The following PSD3 variants were observed in gnomAD, a reference collection of about 807,000 sequenced individuals.
The protein encoded by PSD3 is PH and SEC7 domain-containing protein 3.
In PSD3, 49 loss-of-function variants were observed where a neutral mutation model predicts 105.5. The observed-to-expected ratio is 0.46, with a 90% CI of 0.37 to 0.59. The LOEUF is 0.59. PSD3 is among the 20% of genes least tolerant of loss of function. The probability of loss-of-function intolerance (pLI) is 0.00; values close to 1 mark genes in which losing one functional copy is unlikely to be tolerated. For synonymous variants in PSD3, 557 were observed against 457.8 expected (o/e 1.22, Z -2.77); for missense variants, 1,561 against 1,263.8 (o/e 1.24, Z -3.57).
chr8:18,540,203 C>A (rs1375754724), intron 15 of PSD3, among the ~76,000 whole-genome samples: 1 of 151,996 alleles, frequency 6.6e-6, no homozygotes, highest in African/African-American at 2.4e-5. Flanking sequence ...AGGTGGTAGG[C>A]AATAAGGTAT....
intron 1 of PSD3, among the ~76,000 whole-genome samples, chr8:18,970,324 CAA>C (rs11450922): frequency 4.6e-4 from 21 of 45,314 alleles, no homozygotes; most frequent in Admixed American, 1.3e-3. Flanking sequence ...GACTCTGCCT[CAA>C]AAAAAAAAAA....
intron 12 of PSD3, among the ~76,000 whole-genome samples, chr8:18,597,345 G>A (rs1351772169): frequency 1.3e-4 from 1 of 7,440 alleles, no homozygotes; most frequent in African/African-American, 2.5e-4. Flanking sequence ...GGACATAGGC[G>A]TGGGCAAGGA....
In PSD3 at chr8:18,763,312, C is replaced by A. The variant is rs61447038; in HGVS notation, c.2172+2137G>T. ...TCATAATTTTTCCTTTTATTTCACACAAAAAAAACTTAATGTCACACATGC... is the reference window on the plus strand; with the variant it reads ...TCATAATTTTTCCTTTTATTTCACAAAAAAAAAACTTAATGTCACACATGC... On this transcript the variant is annotated intron_variant, in intron 9 of 15. Coordinates refer to ENST00000327040, the MANE Select transcript of PSD3 (RefSeq NM_015310.4). Among the ~76,000 whole-genome samples the A allele has an allele frequency of 4.0e-5, 6 of 151,542 alleles. No individual in the cohort carries two copies. In the East Asian group the frequency reaches 9.7e-4, roughly 25 times the overall value.
intron 4 of PSD3, chr8:18,849,504 C>T (rs1367082200): frequency 6.6e-6 from 1 of 152,214 alleles, no homozygotes; most frequent in Non-Finnish European, 1.5e-5. Flanking sequence ...CCTCTTCTTA[C>T]ATGTTGGCCG....
chr8:18,606,890 A>G (rs1184152463), intron 11 of PSD3, among the ~76,000 whole-genome samples: 1 of 152,228 alleles, frequency 6.6e-6, no homozygotes, highest in African/African-American at 2.4e-5. Context: ...TCAGGTAGGT[A>G]TTATTGTCTC....
intron 4 of PSD3, among the ~76,000 whole-genome samples, chr8:18,866,707 T>A (rs562360398): frequency 6.6e-6 from 1 of 151,742 alleles, no homozygotes; most frequent in Non-Finnish European, 1.5e-5. Context: ...AAACTGGTTA[T>A]AGAAAATGCT....
At chr8:18,969,870 T>TA (rs199864146) in intron 1 of PSD3, among the ~76,000 whole-genome samples, 3,299 of 151,692 alleles carry the variant, frequency 0.022, 47 homozygotes, top group Non-Finnish European at 0.029. Flanking sequence ...TATAAATATT[T>TA]AAAAAAAAAT....
intron 2 of PSD3, among the ~76,000 whole-genome samples, chr8:18,873,847 T>A (rs1233798416): frequency 6.6e-6 from 1 of 152,240 alleles, no homozygotes; most frequent in Non-Finnish European, 1.5e-5. Flanking sequence ...AATGGCATCT[T>A]ACGAAGAACC....
In PSD3 at chr8:18,952,747, A is replaced by C. The variant is rs536696810; in HGVS notation, c.22-16605T>G. Among the ~76,000 whole-genome samples the C allele has an allele frequency of 2.6e-4, 39 of 152,348 alleles. 1 individual carries two copies. In the South Asian group the frequency reaches 4.6e-3, roughly 18 times the overall value. On this transcript the variant is annotated intron_variant, in intron 1 of 15. Coordinates refer to ENST00000327040, the MANE Select transcript of PSD3 (RefSeq NM_015310.4). ...TACATGTTTACAAGTCCATGCAATT[A>C]AATACACTTTATTCAGGAGAGCCCT...
intron 9 of PSD3, chr8:18,733,803 A>C (rs1022693321): frequency 6.6e-6 from 1 of 152,664 alleles, no homozygotes; most frequent in Non-Finnish European, 1.5e-5. Flanking sequence ...CAGTGTCTGC[A>C]ATGTAGTAGA....
At position 18,636,074 on chromosome 8, in the gene PSD3, T is replaced by A. The variant is rs556064882; in HGVS notation, c.2217-3268A>T. Among the ~76,000 whole-genome samples, 450 of 152,204 alleles carry A rather than the reference T, an allele frequency of 3.0e-3. 2 individuals are homozygous for A. Among genetic ancestry groups the A allele is most frequent in the Non-Finnish European group, 4.9e-3 (331 of 68,012 alleles). ...AAAGTAAAATAAAATAAAAAAGGCT[T>A]TGTTATCATAGGAGATGACAGCTTC... On this transcript the variant is annotated intron_variant, in intron 10 of 15. Coordinates refer to ENST00000327040, the MANE Select transcript of PSD3 (RefSeq NM_015310.4).
At chr8:18,656,608 TA>T (rs1808915327) in intron 9 of PSD3, among the ~76,000 whole-genome samples, 1 of 152,160 alleles carries the variant, frequency 6.6e-6, no homozygotes, top group African/African-American at 2.4e-5. Context: ...AGACCCTTGG[TA>T]ACAATAATGG....
intron 8 of PSD3, among the ~76,000 whole-genome samples, chr8:18,785,568 T>C (rs1809060591): frequency 6.6e-6 from 1 of 152,300 alleles, no homozygotes; most frequent in South Asian, 2.1e-4. Flanking sequence ...TAAGGCTGTT[T>C]TGCTTTCTTA....
chr8:19,039,582 G>C (rs1055622674), intron 1 of PSD3, among the ~76,000 whole-genome samples: 9 of 152,178 alleles, frequency 5.9e-5, no homozygotes, highest in African/African-American at 1.9e-4. Flanking sequence ...CTTTCTCTAG[G>C]CTAAGGGAGT....
intron 12 of PSD3, among the ~76,000 whole-genome samples, chr8:18,589,639 T>A (rs1232047864): frequency 6.6e-6 from 1 of 152,178 alleles, no homozygotes; most frequent in Non-Finnish European, 1.5e-5. Context: ...AAAATGTTAA[T>A]GAAAGATATG....
intron 9 of PSD3, among the ~76,000 whole-genome samples, chr8:18,724,904 A>G (rs200177795): frequency 6.6e-6 from 1 of 152,344 alleles, no homozygotes; most frequent in African/African-American, 2.4e-5. Context: ...GATGGGAACA[A>G]TGGGAGATGT....
chr8:18,947,001 T>C (rs1443540571), intron 1 of PSD3, among the ~76,000 whole-genome samples: 1 of 151,760 alleles, frequency 6.6e-6, no homozygotes, highest in Non-Finnish European at 1.5e-5. Context: ...CACCTGCACA[T>C]AAACAAATGG....
At chr8:18,556,146 C>G in intron 15 of PSD3, 63 bp downstream of exon 15, 6 of 1,581,120 alleles carry the variant, frequency 3.8e-6, no homozygotes, top group Non-Finnish European at 5.2e-6. Flanking sequence ...AAGATACCGC[C>G]TCATGGACAG....
intron 14 of PSD3, among the ~76,000 whole-genome samples, chr8:18,568,993 G>A (rs2130296136): frequency 6.9e-6 from 1 of 144,744 alleles, no homozygotes; most frequent in Non-Finnish European, 1.5e-5. Context: ...TACTGAGAAT[G>A]ATGATTTCCA....
Sources: gnomAD v4.1 joint callset for allele counts (sites outside exome capture counted in the v4.1 genomes callset) on GRCh38, gnomAD v4.1.1 for gene constraint, MANE v1.5 for transcripts, NCBI Gene and HGNC (gene_info 2026-07-23, HGNC 2026-07-21) for gene names.